RIC1: variants seen among roughly 807,000 people sequenced by gnomAD.
The protein encoded by RIC1 is RIC1 partner of RAB6A GEF complex.
In RIC1, 88 loss-of-function variants were observed where a neutral mutation model predicts 169.0. The observed-to-expected ratio is 0.52, with a 90% CI of 0.44 to 0.62. The LOEUF is 0.62. Ranked by LOEUF, RIC1 falls within the 20% of genes least tolerant of loss-of-function variation. RIC1 has a pLI of 0.00. For missense variants in RIC1, 1,877 were observed against 1,725.5 expected (o/e 1.09, Z -1.56); for synonymous variants, 790 against 601.5 (o/e 1.31, Z -4.59).
intron 23 of RIC1, among the ~76,000 whole-genome samples, chr9:5,772,065 G>T (rs779146591): frequency 6.6e-5 from 10 of 152,122 alleles, no homozygotes; most frequent in Non-Finnish European, 1.5e-4. Context: ...TCATAATTTT[G>T]TATAGGTTAA....
intron 1 of RIC1, 143 bp downstream of exon 1, chr9:5,629,596 C>A: frequency 1.0e-6 from 1 of 964,468 alleles, no homozygotes; most frequent in Non-Finnish European, 1.4e-6. Context: ...CCTCGTTCCA[C>A]CGAATTGGCC....
intron 1 of RIC1, among the ~76,000 whole-genome samples, chr9:5,643,443 G>C (rs1418146196): frequency 6.6e-6 from 1 of 152,074 alleles, no homozygotes; most frequent in Non-Finnish European, 1.5e-5. Flanking sequence ...AGGAGGTTGA[G>C]GCTGCAGTGA....
intron 4 of RIC1, among the ~76,000 whole-genome samples, chr9:5,715,074 A>G (rs1563921206): frequency 1.3e-5 from 2 of 152,222 alleles, no homozygotes; most frequent in East Asian, 3.8e-4. Context: ...ATTCTCATAG[A>G]AAAGAACACA....
At chr9:5,753,674 A>G (rs759446046) in intron 14 of RIC1, 28 bp downstream of exon 14, 6 of 1,194,416 alleles carry the variant, frequency 5.0e-6, no homozygotes, top group South Asian at 2.6e-5. Context: ...TTAAAAACCT[A>G]TTTCTCAAAG....
intron 1 of RIC1, among the ~76,000 whole-genome samples, chr9:5,650,844 A>AGGGACTC: frequency 6.6e-6 from 1 of 152,154 alleles, no homozygotes; most frequent in East Asian, 1.9e-4. Context: ...CTTTAATACC[A>AGGGACTC]GGGACTCTGC....
chr9:5,653,143 A>G (rs1311963473), intron 1 of RIC1, among the ~76,000 whole-genome samples: 1 of 152,126 alleles, frequency 6.6e-6, no homozygotes, highest in African/African-American at 2.4e-5. Flanking sequence ...ATTTTTGTGA[A>G]TGTTGACGTC....
intron 1 of RIC1, among the ~76,000 whole-genome samples, chr9:5,642,942 A>G (rs1818322204): frequency 6.6e-6 from 1 of 152,148 alleles, no homozygotes; most frequent in Non-Finnish European, 1.5e-5. Flanking sequence ...TTATACTTTT[A>G]CCATAAATGG....
At chr9:5,684,762 C>A (rs1466697120) in intron 2 of RIC1, among the ~76,000 whole-genome samples, 3 of 152,078 alleles carry the variant, frequency 2.0e-5, no homozygotes, top group Non-Finnish European at 4.4e-5. Context: ...ATGATGAAGG[C>A]ATTCAGTCTT....
intron 23 of RIC1, among the ~76,000 whole-genome samples, chr9:5,771,257 ATT>A (rs1242729907): frequency 1.3e-5 from 2 of 151,920 alleles, no homozygotes; most frequent in Admixed American, 6.6e-5. Context: ...CCACCATTTT[ATT>A]TTTTCTCTCT....
At chr9:5,707,429 A>G (rs1181613352) in intron 3 of RIC1, among the ~76,000 whole-genome samples, 1 of 151,842 alleles carries the variant, frequency 6.6e-6, no homozygotes, top group Non-Finnish European at 1.5e-5. Context: ...CTATTTCCTT[A>G]TTTTCTGTCC....
rs150250402 is a variant in RIC1, at chr9:5,757,010, C to T, written c.1854-303C>T. ...CATCTCACTAGCCTCAATGATTGAACCATCATTCTTTCTCAACCCACTAGT... is the reference window on the plus strand; with the variant it reads ...CATCTCACTAGCCTCAATGATTGAATCATCATTCTTTCTCAACCCACTAGT... On this transcript the variant is annotated intron_variant, in intron 16 of 25. Coordinates refer to ENST00000414202, the MANE Select transcript of RIC1 (RefSeq NM_020829.4). 4.6e-5 allele frequency among the ~76,000 whole-genome samples: 7 copies of T among 152,292 alleles called. No homozygotes were observed. The East Asian group carries it at 7.7e-4, about 17-fold the overall frequency.
chr9:5,763,152 C>T lies in RIC1; in HGVS notation c.2125C>T (p.Pro709Ser). ...TCTCCTTCTCCAGCTGCCATTCTGTCCTCCTGTTGTACTAGCCCAGTCTGT... is the reference window on the plus strand; with the variant it reads ...TCTCCTTCTCCAGCTGCCATTCTGTTCTCCTGTTGTACTAGCCCAGTCTGT... ...NNQRKLLPFCPPVVLAQSVEN... is the reference protein window; with the variant it reads ...NNQRKLLPFCSPVVLAQSVEN... Residue 709 changes from proline to serine, a missense_variant, in exon 19 of 26, where the codon CCT (proline) becomes TCT (serine). Transcript: ENST00000414202. The surrounding 1 kb of genome is among the most constrained non-coding windows in gnomAD (Gnocchi z 5.2). The T allele has an allele frequency of 1.2e-6, 2 of 1,613,676 alleles. No homozygotes were observed. The highest frequency in any genetic ancestry group is 1.7e-6 in the Non-Finnish European group (2 of 1,179,658).
intron 4 of RIC1, 55 bp from the exon 5 acceptor site, chr9:5,720,127 A>G (rs1823495901): frequency 2.8e-6 from 4 of 1,444,004 alleles, no homozygotes; most frequent in Non-Finnish European, 2.9e-6. Flanking sequence ...TTTAATATTC[A>G]TACACATTGC....
At chr9:5,765,145 C>T (rs528979771) in intron 19 of RIC1, 6 of 301,088 alleles carry the variant, frequency 2.0e-5, no homozygotes, top group African/African-American at 8.7e-5. Context: ...TGCCTATCTG[C>T]AGAGTCACTG....
intron 7 of RIC1, among the ~76,000 whole-genome samples, chr9:5,733,717 T>C (rs1158951362): frequency 2.6e-5 from 4 of 152,160 alleles, no homozygotes; most frequent in African/African-American, 4.8e-5. Flanking sequence ...AAGTTTAACT[T>C]AGTACAAGAG....
chr9:5,663,244 C>G (rs749072613), intron 2 of RIC1, among the ~76,000 whole-genome samples: 1 of 152,090 alleles, frequency 6.6e-6, no homozygotes, highest in Non-Finnish European at 1.5e-5. Context: ...GTTTTACTTC[C>G]GATTATGTGA....
chr9:5,749,764 CTTTTTTTTTTTTTTT>C (rs769556596), intron 12 of RIC1, among the ~76,000 whole-genome samples: 1 of 36,302 alleles, frequency 2.8e-5, no homozygotes, highest in Non-Finnish European at 4.7e-5. Context: ...AAAGGCGGTG[CTTTTTTTTTTTTTTT>C]TTTTTTTTTT....
intron 3 of RIC1, among the ~76,000 whole-genome samples, chr9:5,692,809 G>A (rs1821662522): frequency 6.6e-6 from 1 of 152,040 alleles, no homozygotes; most frequent in Non-Finnish European, 1.5e-5. Context: ...ATTGTCATCT[G>A]TGCCATTATA....
chr9:5,741,117 G>A (rs951527966), intron 8 of RIC1, among the ~76,000 whole-genome samples: 3 of 152,150 alleles, frequency 2.0e-5, no homozygotes, highest in South Asian at 2.1e-4. Context: ...GTGCTGTTTT[G>A]GATTGGCAGT....
Sources: gnomAD v4.1 joint callset for allele counts (sites outside exome capture counted in the v4.1 genomes callset) on GRCh38, gnomAD v4.1.1 for gene constraint, Gnocchi (gnomAD v3.1) non-coding constraint, MANE v1.5 for transcripts, NCBI Gene and HGNC (gene_info 2026-07-23, HGNC 2026-07-21) for gene names.